Variants in MUSK observed in about 807,000 individuals in gnomAD.
MUSK encodes the protein muscle associated receptor tyrosine kinase.
A neutral mutation model predicts 88.7 loss-of-function variants in MUSK; 55 were observed. The ratio of observed to expected loss-of-function variants is 0.62; its 90% CI spans 0.50 to 0.78. MUSK has a LOEUF of 0.78. Ranked by LOEUF, MUSK falls within the 30% of genes least tolerant of loss-of-function variation. The pLI, the probability that MUSK is intolerant of heterozygous loss-of-function variation, is 0.00. For missense variants in MUSK, 1,015 were observed against 1,074.3 expected (o/e 0.94, Z 0.77); for synonymous variants, 387 against 391.9 (o/e 0.99, Z 0.15).
intron 3 of MUSK, among the ~76,000 whole-genome samples, chr9:110,689,071 TA>T: frequency 7.2e-6 from 1 of 138,238 alleles, no homozygotes; most frequent in African/African-American, 2.7e-5. Context: ...TAGCTATAGT[TA>T]TATATAGTTA....
chr9:110,697,933 G>A (rs1007675427), intron 5 of MUSK, among the ~76,000 whole-genome samples: 2 of 150,190 alleles, frequency 1.3e-5, no homozygotes, highest in Non-Finnish European at 3.0e-5. Context: ...AACTCAAATC[G>A]TAAAGCCAAA....
rs1564226827 is a variant in MUSK, at chr9:110,697,424, C to T, written c.586C>T (p.Leu196Phe). The change falls in exon 5 of 15, where the codon CTC (leucine) becomes TTC (phenylalanine). Residue 196 changes from leucine (L) to phenylalanine (F), a missense_variant. Transcript: ENST00000374448. ...GTATCGATGTGTGGCAAAAAACAGC[C>T]TCGGGACAGCATATTCCAAAGTGGT... ...GQYRCVAKNS[L>F]GTAYSKVVKL... 1.2e-6 allele frequency: 2 copies of T among 1,611,690 alleles called. No homozygotes were observed. Among genetic ancestry groups the T allele is most frequent in the Non-Finnish European group, 1.7e-6 (2 of 1,178,638 alleles).
chr9:110,698,057 C>T (rs2076456808), intron 5 of MUSK, among the ~76,000 whole-genome samples: 1 of 152,160 alleles, frequency 6.6e-6, no homozygotes, highest in Admixed American at 6.5e-5. Context: ...ACTGAGAAAT[C>T]AGAATCCAAA....
chr9:110,742,977 T>C (rs929179851), intron 6 of MUSK, among the ~76,000 whole-genome samples: 7 of 152,044 alleles, frequency 4.6e-5, no homozygotes, highest in Admixed American at 1.3e-4. Flanking sequence ...AAACCAGAAA[T>C]CCCATGGAGG....
At chr9:110,699,493 T>G (rs2076474135) in intron 5 of MUSK, among the ~76,000 whole-genome samples, 1 of 152,146 alleles carries the variant, frequency 6.6e-6, no homozygotes, top group Admixed American at 6.6e-5. Flanking sequence ...TTGTAACAAA[T>G]TTGCTTTGGC....
intron 2 of MUSK, 61 bp from the exon 3 acceptor site, chr9:110,687,056 A>C: frequency 6.4e-7 from 1 of 1,555,768 alleles, no homozygotes; most frequent in Non-Finnish European, 8.7e-7. Flanking sequence ...TTGATACATT[A>C]ATCATGGCAA....
chr9:110,776,110 G>T, intron 10 of MUSK, 147 bp downstream of exon 10: 1 of 739,256 alleles, frequency 1.4e-6, no homozygotes, highest in Non-Finnish European at 2.2e-6. Context: ...ACCTACTAGC[G>T]GAATCCTAAT....
chr9:110,703,528 TA>T (rs530510204), intron 5 of MUSK, among the ~76,000 whole-genome samples: 35 of 146,380 alleles, frequency 2.4e-4, no homozygotes, highest in Admixed American at 6.8e-4. Flanking sequence ...AGACTTTGTC[TA>T]AAAAAAAAAA....
At chr9:110,672,658 T>C (rs138798591) in intron 1 of MUSK, among the ~76,000 whole-genome samples, 156 of 152,036 alleles carry the variant, frequency 1.0e-3, no homozygotes, top group Non-Finnish European at 1.9e-3. Context: ...TGTTTTGTTG[T>C]ACTAAAAAAA....
intron 5 of MUSK, among the ~76,000 whole-genome samples, chr9:110,697,932 C>A (rs369771552): frequency 6.6e-6 from 1 of 151,150 alleles, no homozygotes; most frequent in South Asian, 2.1e-4. Flanking sequence ...TAACTCAAAT[C>A]GTAAAGCCAA....
At chr9:110,783,607 T>C (rs1314158332) in intron 11 of MUSK, among the ~76,000 whole-genome samples, 1 of 152,070 alleles carries the variant, frequency 6.6e-6, no homozygotes, top group Non-Finnish European at 1.5e-5. Context: ...TAGACTACTA[T>C]ATGAATATTT....
chr9:110,712,728 A>G (rs957914389), intron 5 of MUSK, among the ~76,000 whole-genome samples: 19 of 152,216 alleles, frequency 1.2e-4, no homozygotes, highest in African/African-American at 4.6e-4. Context: ...GCTTATCTGC[A>G]AATAGTAAGA....
chr9:110,770,824 T>C (rs1440246982), intron 9 of MUSK, among the ~76,000 whole-genome samples: 2 of 151,924 alleles, frequency 1.3e-5, no homozygotes, highest in African/African-American at 4.8e-5. Context: ...AATTATAATA[T>C]AGTTATTACA....
chr9:110,785,458 T>A, intron 12 of MUSK, 69 bp from the exon 13 acceptor site: 1 of 1,289,154 alleles, frequency 7.8e-7, no homozygotes, highest in South Asian at 1.9e-5. Flanking sequence ...TTTCTTAGAA[T>A]CTAAGTCTAA....
intron 5 of MUSK, among the ~76,000 whole-genome samples, chr9:110,714,081 C>T (rs1179655110): frequency 6.6e-6 from 1 of 152,092 alleles, no homozygotes; most frequent in Non-Finnish European, 1.5e-5. Flanking sequence ...TTAGCATCTC[C>T]TCCCATCAAA....
intron 14 of MUSK, among the ~76,000 whole-genome samples, chr9:110,798,874 G>A (rs954961173): frequency 5.9e-5 from 9 of 152,020 alleles, no homozygotes; most frequent in African/African-American, 2.2e-4. Flanking sequence ...GAAATCTTTT[G>A]TATAGTATTT....
chr9:110,710,788 G>A (rs1162596063), intron 5 of MUSK, among the ~76,000 whole-genome samples: 1 of 151,756 alleles, frequency 6.6e-6, no homozygotes, highest in Non-Finnish European at 1.5e-5. Flanking sequence ...TGTATCCTGA[G>A]CTTATATCAT....
Position 110,804,306 on chromosome 9 carries a change from T to C in MUSK, c.*3318T>C, listed in dbSNP as rs2132078068. Among the ~76,000 whole-genome samples, 1 of 152,280 alleles carries C rather than the reference T, an allele frequency of 6.6e-6. No individual in the cohort carries two copies. The highest frequency in any genetic ancestry group is 2.4e-5 in the African/African-American group (1 of 41,578). On this transcript the variant is annotated 3_prime_UTR_variant, in exon 15 of 15. Transcript: ENST00000374448. ...AAGGAAATGTCTGGACCAAATGGCA[T>C]GTACAATATTAACACTTCTGTTATG...
chr9:110,693,522 T>C (rs2131706245), intron 3 of MUSK, among the ~76,000 whole-genome samples: 2 of 152,354 alleles, frequency 1.3e-5, no homozygotes, highest in East Asian at 3.9e-4. Context: ...GCGGGATACT[T>C]CCAGCATCCT....
Sources: gnomAD v4.1 joint callset for allele counts (sites outside exome capture counted in the v4.1 genomes callset) on GRCh38, gnomAD v4.1.1 for gene constraint, MANE v1.5 for transcripts, NCBI Gene and HGNC (gene_info 2026-07-23, HGNC 2026-07-21) for gene names.